FRMD4A: variants seen among roughly 807,000 people sequenced by gnomAD.
FRMD4A encodes FERM domain-containing protein 4A.
FRMD4A carries 29 observed loss-of-function variants against 129.1 expected under a neutral mutation model. The ratio of observed to expected loss-of-function variants is 0.22; its 90% CI spans 0.17 to 0.31. FRMD4A has a LOEUF of 0.31. Among genes scored for constraint, FRMD4A ranks in the 10% least tolerant of loss-of-function variants. FRMD4A has a pLI of 1.00. For missense variants in FRMD4A, 1,272 were observed against 1,375.8 expected, an observed-to-expected ratio of 0.92 and a Z score of 1.19; for synonymous variants, 634 against 571.6, an observed-to-expected ratio of 1.11 and a Z score of -1.56.
At chr10:13,905,087 G>T (rs1240452487) in intron 2 of FRMD4A, among the ~76,000 whole-genome samples, 1 of 151,302 alleles carries the variant, frequency 6.6e-6, no homozygotes, top group African/African-American at 2.4e-5. Flanking sequence ...CTTCCTTAAA[G>T]TCTGGAACTG....
At chr10:13,739,821 C>T (rs10906461) in intron 11 of FRMD4A, among the ~76,000 whole-genome samples, 26,458 of 152,204 alleles carry the variant, frequency 0.17, 3,616 homozygotes, top group African/African-American at 0.37. Flanking sequence ...CAATGAGGGC[C>T]AGGCGCGGTG....
chr10:14,261,941 A>AACACACACACAC lies in FRMD4A; in HGVS notation c.45+68105_45+68116dup, dbSNP rs55763234. Among the ~76,000 whole-genome samples the AACACACACACAC allele has an allele frequency of 3.0e-3, 391 of 128,298 alleles. 3 individuals carry two copies. Among genetic ancestry groups the AACACACACACAC allele is most frequent in the East Asian group, 7.5e-3 (32 of 4,248 alleles). The allele number at this position is 128,298 out of a possible 152,430, so 84.2% of individuals were successfully genotyped here. A position where few individuals can be genotyped will look rare whatever the true frequency, so the allele number is the denominator to read the frequency against. ...TGTGACTCCATTTCTCACCACACCA[A>AACACACACACAC]ACACACACACACACACACACACACA... On this transcript the variant is annotated intron_variant, in intron 2 of 24. Coordinates refer to ENST00000357447, the MANE Select transcript of FRMD4A (RefSeq NM_018027.5).
intron 14 of FRMD4A, among the ~76,000 whole-genome samples, chr10:13,699,760 T>G (rs902663489): frequency 1.3e-5 from 2 of 152,226 alleles, no homozygotes; most frequent in Non-Finnish European, 1.5e-5. Flanking sequence ...GACCTCCAAC[T>G]GTTGCCCCTG....
intron 2 of FRMD4A, among the ~76,000 whole-genome samples, chr10:14,302,411 T>C (rs1272344484): frequency 6.6e-6 from 1 of 152,214 alleles, no homozygotes; most frequent in Non-Finnish European, 1.5e-5. Flanking sequence ...TAAAGGAACT[T>C]TGTTCAAAAA....
At chr10:14,091,058 T>C (rs1046898382) in intron 2 of FRMD4A, among the ~76,000 whole-genome samples, 1 of 152,180 alleles carries the variant, frequency 6.6e-6, no homozygotes, top group Non-Finnish European at 1.5e-5. Context: ...AACATTAGAA[T>C]GACACCAGAC....
chr10:14,067,436 CAT>C (rs1835114384), intron 2 of FRMD4A, among the ~76,000 whole-genome samples: 1 of 152,116 alleles, frequency 6.6e-6, no homozygotes, highest in South Asian at 2.1e-4. Context: ...GAAAGCTAAA[CAT>C]AGAACAATCG....
chr10:14,120,687 G>A (rs140134473), intron 2 of FRMD4A, among the ~76,000 whole-genome samples: 1,749 of 152,262 alleles, frequency 0.011, 39 homozygotes, highest in African/African-American at 0.04. Context: ...GGGAAAACCT[G>A]GGATCACTTC....
At chr10:13,943,675 A>AAAAAG (rs1554980999) in intron 2 of FRMD4A, among the ~76,000 whole-genome samples, 7,967 of 121,876 alleles carry the variant, frequency 0.065, 235 homozygotes, top group Non-Finnish European at 0.096. Flanking sequence ...AAAAAAAAAA[A>AAAAAG]AAAAGAAAAA....
rs200093883 is a variant in FRMD4A at position 13,884,240 on chromosome 10, A to ACACACACC, written c.46-25329_46-25328insGGTGTGTG. Among the ~76,000 whole-genome samples, 372 of 135,218 alleles carry ACACACACC rather than the reference A, an allele frequency of 2.8e-3. 12 individuals carry two copies. In the East Asian group the frequency reaches 0.029, roughly 10 times the overall value. The allele number at this position is 135,218 out of a possible 152,430, so 88.7% of individuals were successfully genotyped here. On this transcript the variant is annotated intron_variant, in intron 2 of 24. Coordinates refer to ENST00000357447, the MANE Select transcript of FRMD4A (RefSeq NM_018027.5). ...CACACACACACACACACACACACAC[A>ACACACACC]CTCCCTAAAAGGCATCCTGTATATT... is the stretch of plus-strand genomic sequence containing the variant.
intron 24 of FRMD4A, chr10:13,649,501 G>A (rs1359676671): frequency 7.6e-6 from 1 of 132,374 alleles, no homozygotes; most frequent in Non-Finnish European, 1.8e-5. Flanking sequence ...TCCTAGAGGA[G>A]CCGCAGTATG....
intron 2 of FRMD4A, among the ~76,000 whole-genome samples, chr10:14,295,346 A>G (rs1845977143): frequency 6.6e-6 from 1 of 152,216 alleles, no homozygotes; most frequent in Non-Finnish European, 1.5e-5. Context: ...TGATTTTTTT[A>G]AAAAGTGAAG....
intron 9 of FRMD4A, 24 bp from the exon 10 acceptor site, chr10:13,740,601 T>C (rs370948854): frequency 7.5e-7 from 1 of 1,329,622 alleles, no homozygotes; most frequent in South Asian, 1.2e-5. Context: ...AAAAGAATGC[T>C]GTTGTTGGAG....
At chr10:13,864,426 C>G (rs1356058030) in intron 2 of FRMD4A, among the ~76,000 whole-genome samples, 1 of 151,698 alleles carries the variant, frequency 6.6e-6, no homozygotes. Flanking sequence ...AAAAGTCAAC[C>G]CTATTTGCAT....
At chr10:14,092,294 T>A (rs1042205373) in intron 2 of FRMD4A, among the ~76,000 whole-genome samples, 1 of 152,212 alleles carries the variant, frequency 6.6e-6, no homozygotes, top group African/African-American at 2.4e-5. Flanking sequence ...AAAGGCAGCA[T>A]CAACCTGCCT....
At chr10:14,125,787 C>T (rs1383992006) in intron 2 of FRMD4A, among the ~76,000 whole-genome samples, 3 of 152,142 alleles carry the variant, frequency 2.0e-5, no homozygotes, top group Non-Finnish European at 2.9e-5. Context: ...CCTGCTATCT[C>T]GGAACTTCCA....
At chr10:13,926,751 C>A (rs576743036) in intron 2 of FRMD4A, among the ~76,000 whole-genome samples, 1 of 152,184 alleles carries the variant, frequency 6.6e-6, no homozygotes, top group Non-Finnish European at 1.5e-5. Flanking sequence ...GTGCCCTACA[C>A]GACAATGTAC....
At chr10:13,771,249 T>C (rs2092445325) in intron 6 of FRMD4A, among the ~76,000 whole-genome samples, 1 of 151,730 alleles carries the variant, frequency 6.6e-6, no homozygotes, top group Non-Finnish European at 1.5e-5. Flanking sequence ...TAATTAAATA[T>C]ATTTTTTTGT....
At chr10:13,853,046 A>C (rs1369171297) in intron 3 of FRMD4A, among the ~76,000 whole-genome samples, 1 of 152,188 alleles carries the variant, frequency 6.6e-6, no homozygotes, top group Non-Finnish European at 1.5e-5. Context: ...CACAGTGGAC[A>C]GTTGTAAATG....
intron 8 of FRMD4A, among the ~76,000 whole-genome samples, chr10:13,749,845 C>A (rs1588547642): frequency 6.6e-6 from 1 of 151,576 alleles, no homozygotes; most frequent in African/African-American, 2.4e-5. Flanking sequence ...AAAAATTAGC[C>A]ATGCACAGTG....
Sources: gnomAD v4.1 joint callset for allele counts (sites outside exome capture counted in the v4.1 genomes callset) on GRCh38, gnomAD v4.1.1 for gene constraint, MANE v1.5 for transcripts, NCBI Gene and HGNC (gene_info 2026-07-23, HGNC 2026-07-21) for gene names.